GRM5: variants seen among roughly 807,000 people sequenced by gnomAD.
GRM5 encodes the protein metabotropic glutamate receptor 5.
Under a neutral mutation model 83.1 loss-of-function variants are expected in GRM5, and 19 were observed. The ratio of observed to expected loss-of-function variants is 0.23; its 90% CI spans 0.16 to 0.34. GRM5 has a LOEUF of 0.34. Ranked by LOEUF, GRM5 falls within the 10% of genes least tolerant of loss-of-function variation. GRM5 has a pLI of 1.00. For synonymous variants in GRM5, 675 were observed against 633.6 expected, an observed-to-expected ratio of 1.07 and a Z score of -0.98; for missense variants, 1,160 against 1,588.3, an observed-to-expected ratio of 0.73 and a Z score of 4.58.
intron 2 of GRM5, among the ~76,000 whole-genome samples, chr11:89,036,570 T>C (rs1941390611): frequency 6.6e-6 from 1 of 152,094 alleles, no homozygotes; most frequent in South Asian, 2.1e-4. Flanking sequence ...AACAATCTTA[T>C]AGGGCAGGTA....
rs1431699128 is a variant in GRM5 at position 88,507,964 on chromosome 11, A to G, written c.*628T>C. 2 of 152,552 alleles carry G rather than the reference A, an allele frequency of 1.3e-5. No homozygotes were observed. The highest frequency in any genetic ancestry group is 2.9e-5 in the Non-Finnish European group (2 of 68,058). 9.4% of individuals were successfully genotyped at this position (152,552 alleles called of 1,614,324 possible). On this transcript the variant is annotated 3_prime_UTR_variant, in exon 10 of 10. Coordinates refer to ENST00000305447, the MANE Select transcript of GRM5 (RefSeq NM_001143831.3). Reference sequence around the variant, plus strand: ...GAGGAAAATCTCTGGTAGAAGCCCTACGTAGTACATTAGCGCAGCACTCAC... The same window carrying G: ...GAGGAAAATCTCTGGTAGAAGCCCTGCGTAGTACATTAGCGCAGCACTCAC...
chr11:88,722,277 T>TATC (rs1314219934), intron 3 of GRM5, among the ~76,000 whole-genome samples: 1 of 152,122 alleles, frequency 6.6e-6, no homozygotes, highest in Non-Finnish European at 1.5e-5. Flanking sequence ...AATGAGTTGG[T>TATC]ATCACTGTAA....
intron 3 of GRM5, among the ~76,000 whole-genome samples, chr11:88,696,981 T>C (rs1940919539): frequency 6.6e-6 from 1 of 152,214 alleles, no homozygotes; most frequent in South Asian, 2.1e-4. Context: ...TTTTTCTTTC[T>C]AAGCCTACCA....
At chr11:89,040,259 A>G (rs1941498442) in intron 2 of GRM5, among the ~76,000 whole-genome samples, 1 of 151,996 alleles carries the variant, frequency 6.6e-6, no homozygotes, top group Admixed American at 6.6e-5. Context: ...TATTTTTCCA[A>G]CTCCAAGATA....
chr11:88,543,551 A>G (rs1287590536), intron 8 of GRM5, among the ~76,000 whole-genome samples: 2 of 151,568 alleles, frequency 1.3e-5, no homozygotes, highest in African/African-American at 4.8e-5. Flanking sequence ...AGAAAGAAAA[A>G]TATTATTTCA....
intron 2 of GRM5, among the ~76,000 whole-genome samples, chr11:88,957,511 T>G (rs1938658320): frequency 6.6e-6 from 1 of 152,156 alleles, no homozygotes; most frequent in South Asian, 2.1e-4. Context: ...GGGATGAAGA[T>G]AAGAAAAAAA....
At chr11:88,815,771 A>G (rs1943665378) in intron 3 of GRM5, among the ~76,000 whole-genome samples, 1 of 152,196 alleles carries the variant, frequency 6.6e-6, no homozygotes, top group Admixed American at 6.5e-5. Context: ...TAATCTATTC[A>G]TGAGGAATCG....
At chr11:88,658,356 C>T (rs1475179508) in intron 3 of GRM5, among the ~76,000 whole-genome samples, 1 of 152,158 alleles carries the variant, frequency 6.6e-6, no homozygotes, top group African/African-American at 2.4e-5. Context: ...GTTTCACTGA[C>T]TGAACAAATC....
intron 3 of GRM5, among the ~76,000 whole-genome samples, chr11:88,764,498 A>C (rs1428551494): frequency 6.6e-6 from 1 of 151,690 alleles, no homozygotes; most frequent in Non-Finnish European, 1.5e-5. Context: ...ATGTCATACA[A>C]AGTTATTTTC....
At chr11:88,763,435 T>A (rs76353703) in intron 3 of GRM5, among the ~76,000 whole-genome samples, 189 of 151,938 alleles carry the variant, frequency 1.2e-3, no homozygotes, top group African/African-American at 4.3e-3. Context: ...ATGACTAAAT[T>A]ACATAATCAA....
intron 2 of GRM5, among the ~76,000 whole-genome samples, chr11:88,900,307 C>T (rs376998824): frequency 6.6e-6 from 1 of 152,150 alleles, no homozygotes; most frequent in Admixed American, 6.6e-5. Context: ...GGCACAAGCA[C>T]TCCTATCATG....
chr11:88,679,492 C>T (rs1010339387), intron 3 of GRM5, among the ~76,000 whole-genome samples: 7 of 152,032 alleles, frequency 4.6e-5, no homozygotes, highest in African/African-American at 1.7e-4. Context: ...CTTTTGGTTG[C>T]AGTATATATA....
intron 2 of GRM5, among the ~76,000 whole-genome samples, chr11:88,991,713 T>C (rs564992120): frequency 1.3e-5 from 2 of 151,954 alleles, no homozygotes; most frequent in Admixed American, 6.6e-5. Flanking sequence ...ACGCCGCATA[T>C]CTACAACTAT....
intron 2 of GRM5, among the ~76,000 whole-genome samples, chr11:88,936,849 C>A (rs1937915791): frequency 6.6e-6 from 1 of 151,590 alleles, no homozygotes; most frequent in Non-Finnish European, 1.5e-5. Context: ...AATTGAACAG[C>A]CCAACATTGA....
At chr11:88,705,740 C>A (rs2135378443) in intron 3 of GRM5, among the ~76,000 whole-genome samples, 1 of 151,700 alleles carries the variant, frequency 6.6e-6, no homozygotes, top group Middle Eastern at 3.4e-3. Context: ...CTAAAAAATC[C>A]AATCTGATCT....
chr11:88,844,685 T>C (rs1421075515), intron 3 of GRM5, among the ~76,000 whole-genome samples: 1 of 152,204 alleles, frequency 6.6e-6, no homozygotes. Context: ...TAGGTGTCAT[T>C]AAGAACATTC....
At chr11:88,682,560 ATTT>A (rs67179003) in intron 3 of GRM5, among the ~76,000 whole-genome samples, 17 of 147,540 alleles carry the variant, frequency 1.2e-4, no homozygotes, top group African/African-American at 5.0e-5. Context: ...CAACTGAAAC[ATTT>A]TTTTTTTTCT....
intron 2 of GRM5, among the ~76,000 whole-genome samples, chr11:88,981,468 A>C (rs1051820948): frequency 6.6e-6 from 1 of 152,176 alleles, no homozygotes; most frequent in African/African-American, 2.4e-5. Flanking sequence ...TAATCTAGTT[A>C]ATTGTGATCT....
At chr11:88,691,007 A>C (rs189911860) in intron 3 of GRM5, among the ~76,000 whole-genome samples, 185 of 152,300 alleles carry the variant, frequency 1.2e-3, no homozygotes, top group African/African-American at 4.1e-3. Flanking sequence ...TGAAGTTTGT[A>C]AAGCACAAAG....
Sources: gnomAD v4.1 joint callset for allele counts (sites outside exome capture counted in the v4.1 genomes callset) on GRCh38, gnomAD v4.1.1 for gene constraint, MANE v1.5 for transcripts, NCBI Gene and HGNC (gene_info 2026-07-23, HGNC 2026-07-21) for gene names.